Variants in SBF2 observed in about 807,000 individuals in gnomAD.
The protein encoded by SBF2 is SET binding factor 2.
In SBF2, 112 loss-of-function variants were observed where a neutral mutation model predicts 225.2. The ratio of observed to expected loss-of-function variants is 0.50; its 90% CI spans 0.43 to 0.58. The LOEUF is 0.58. SBF2 is among the 20% of genes least tolerant of loss of function. The pLI is 0.00. For synonymous variants in SBF2, 763 were observed against 773.3 expected, an observed-to-expected ratio of 0.99 and a Z score of 0.22; for missense variants, 1,996 against 2,206.2, an observed-to-expected ratio of 0.90 and a Z score of 1.91.
intron 17 of SBF2, among the ~76,000 whole-genome samples, chr11:9,861,337 T>C (rs1223104680): frequency 2.0e-5 from 3 of 152,198 alleles, no homozygotes; most frequent in Non-Finnish European, 2.9e-5. Flanking sequence ...TAGGACTACA[T>C]GCATGTACTG....
chr11:9,945,743 C>A (rs1332868571), intron 16 of SBF2, among the ~76,000 whole-genome samples: 1 of 151,980 alleles, frequency 6.6e-6, no homozygotes, highest in Non-Finnish European at 1.5e-5. Context: ...AACCAACAAG[C>A]AAACCCAAAT....
intron 24 of SBF2, among the ~76,000 whole-genome samples, chr11:9,843,366 A>T (rs532007122): frequency 1.3e-5 from 2 of 152,368 alleles, no homozygotes; most frequent in Non-Finnish European, 2.9e-5. Flanking sequence ...TGAAGGAGAA[A>T]AATAAGAAAT....
chr11:10,085,346 T>C (rs983980666), intron 2 of SBF2, among the ~76,000 whole-genome samples: 4 of 152,194 alleles, frequency 2.6e-5, no homozygotes, highest in African/African-American at 9.6e-5. Context: ...GTAAATTAAA[T>C]TGTTTTTTTC....
At chr11:10,020,915 A>T (rs903640252) in intron 6 of SBF2, among the ~76,000 whole-genome samples, 6 of 143,504 alleles carry the variant, frequency 4.2e-5, no homozygotes, top group Non-Finnish European at 6.0e-5. Context: ...TAAGAACTTT[A>T]AAAAAAAACC....
intron 1 of SBF2, among the ~76,000 whole-genome samples, chr11:10,212,342 T>A (rs79815472): frequency 6.6e-6 from 1 of 152,166 alleles, no homozygotes; most frequent in Admixed American, 6.5e-5. Context: ...CTGGGAATTA[T>A]CATTAGCTCA....
At chr11:9,979,964 A>G (rs1946870156) in intron 13 of SBF2, among the ~76,000 whole-genome samples, 1 of 151,726 alleles carries the variant, frequency 6.6e-6, no homozygotes, top group Non-Finnish European at 1.5e-5. Flanking sequence ...GCAGGACTAT[A>G]GGTGTCCATC....
In SBF2 at chr11:10,096,172, T is replaced by C. The variant is rs181785472; in HGVS notation, c.142-53191A>G. Among the ~76,000 whole-genome samples, 119 of 152,250 alleles carry C rather than the reference T, an allele frequency of 7.8e-4. 1 individual carries two copies. The highest frequency in any genetic ancestry group is 1.5e-3 in the Non-Finnish European group (102 of 68,006). On this transcript the variant is annotated intron_variant, in intron 2 of 39. Transcript: ENST00000256190. The stretch of plus-strand genomic sequence containing the variant: ...CTTTAAAAATATTTGGCTAAATAGA[T>C]GCTAGAGGTTTCCTAAAACAAGATA...
intron 13 of SBF2, among the ~76,000 whole-genome samples, chr11:9,974,761 G>C (rs1329589265): frequency 6.6e-6 from 1 of 150,594 alleles, no homozygotes; most frequent in Non-Finnish European, 1.5e-5. Flanking sequence ...GGGAGTTCGA[G>C]ACCAGCCTGA....
chr11:10,002,199 G>C (rs1463751842), intron 7 of SBF2, among the ~76,000 whole-genome samples: 2 of 152,052 alleles, frequency 1.3e-5, no homozygotes, highest in African/African-American at 4.8e-5. Flanking sequence ...ACTTCAGTGG[G>C]TATCTAAGAG....
chr11:9,815,109 A>T (rs1274075311), intron 29 of SBF2, among the ~76,000 whole-genome samples: 1 of 152,136 alleles, frequency 6.6e-6, no homozygotes, highest in Admixed American at 6.5e-5. Flanking sequence ...ATAGCTGACA[A>T]CTATTGTGCC....
At chr11:9,905,893 ATTAC>A (rs908108436) in intron 16 of SBF2, among the ~76,000 whole-genome samples, 25 of 152,154 alleles carry the variant, frequency 1.6e-4, no homozygotes, top group African/African-American at 6.0e-4. Context: ...CAACTAAAAT[ATTAC>A]TTTGAAGGCA....
intron 14 of SBF2, among the ~76,000 whole-genome samples, chr11:9,967,792 G>C (rs1230893814): frequency 6.6e-6 from 1 of 152,024 alleles, no homozygotes; most frequent in East Asian, 1.9e-4. Flanking sequence ...GCACATGCCT[G>C]TAATCCCAGC....
chr11:10,117,799 T>C (rs910828643), intron 2 of SBF2, among the ~76,000 whole-genome samples: 3 of 152,102 alleles, frequency 2.0e-5, no homozygotes, highest in Non-Finnish European at 4.4e-5. Context: ...GTTATACTTA[T>C]GCAATATGAC....
intron 16 of SBF2, among the ~76,000 whole-genome samples, chr11:9,930,581 T>C (rs1224660251): frequency 6.6e-6 from 1 of 152,184 alleles, no homozygotes; most frequent in Non-Finnish European, 1.5e-5. Flanking sequence ...TTGTGATAGT[T>C]TCAAAGGTGT....
At chr11:9,856,777 A>G in intron 18 of SBF2, 57 bp from the exon 19 acceptor site, 11 of 1,563,520 alleles carry the variant, frequency 7.0e-6, no homozygotes, top group Non-Finnish European at 8.7e-7. Flanking sequence ...TGAGCTTAAA[A>G]AACATAGATT....
intron 2 of SBF2, among the ~76,000 whole-genome samples, chr11:10,189,683 TGA>T (rs1957082139): frequency 1.3e-5 from 2 of 152,228 alleles, no homozygotes; most frequent in Non-Finnish European, 2.9e-5. Flanking sequence ...AAATTCTAAC[TGA>T]ATGCTTCTCT....
chr11:9,871,824 A>C (rs377456797), intron 17 of SBF2, among the ~76,000 whole-genome samples: 2 of 152,144 alleles, frequency 1.3e-5, no homozygotes, highest in East Asian at 3.9e-4. Context: ...AAAACAACAG[A>C]TGTTGGTGAG....
chr11:9,978,306 A>C (rs1242710467), intron 13 of SBF2, among the ~76,000 whole-genome samples: 1 of 152,236 alleles, frequency 6.6e-6, no homozygotes, highest in Non-Finnish European at 1.5e-5. Context: ...CACTAGAAGG[A>C]ATCTCAGACA....
chr11:10,068,994 AT>A, intron 2 of SBF2, among the ~76,000 whole-genome samples: 1 of 152,250 alleles, frequency 6.6e-6, no homozygotes, highest in South Asian at 2.1e-4. Flanking sequence ...CATATTAATC[AT>A]TATTAATTGC....
Sources: allele counts gnomAD v4.1 joint callset (sites outside exome capture counted in the v4.1 genomes callset), GRCh38; gene constraint gnomAD v4.1.1; transcripts MANE v1.5; gene names NCBI Gene and HGNC (gene_info 2026-07-23, HGNC 2026-07-21).